Variants in FILIP1L observed in about 807,000 individuals in gnomAD.
The protein encoded by FILIP1L is filamin A-interacting protein 1-like.
A neutral mutation model predicts 96.6 loss-of-function variants in FILIP1L; 55 were observed. The observed-to-expected ratio is 0.57, with a 90% confidence interval of 0.46 to 0.71. The LOEUF (loss-of-function observed/expected upper bound fraction) is 0.71, where lower values mean the gene tolerates loss of function less well. Ranked by LOEUF, FILIP1L falls within the 30% of genes least tolerant of loss-of-function variation. FILIP1L has a pLI of 0.00. For missense variants in FILIP1L, 1,304 were observed against 1,321.2 expected (o/e 0.99, Z 0.20); for synonymous variants, 467 against 473.9 (o/e 0.99, Z 0.19).
chr3:99,983,389 A>AATATGTATATATATATATAT (rs1553702701), intron 1 of FILIP1L, among the ~76,000 whole-genome samples: 4 of 40,796 alleles, frequency 9.8e-5, no homozygotes, highest in Non-Finnish European at 1.8e-4. Context: ...TAAATAAATA[A>AATATGTATATATATATATAT]ATATATATAT....
intron 3 of FILIP1L, among the ~76,000 whole-genome samples, chr3:99,928,238 C>T (rs780217027): frequency 6.6e-6 from 1 of 152,130 alleles, no homozygotes; most frequent in Non-Finnish European, 1.5e-5. Context: ...TGTTTATTTT[C>T]GGGGCATTCC....
At chr3:99,902,876 GA>G (rs1316754793) in intron 4 of FILIP1L, among the ~76,000 whole-genome samples, 1 of 152,106 alleles carries the variant, frequency 6.6e-6, no homozygotes, top group African/African-American at 2.4e-5. Flanking sequence ...ATAGATTAAA[GA>G]GGAAAAAAAT....
chr3:99,850,866 T>C lies in FILIP1L; in HGVS notation c.810A>G (p.Thr270=), dbSNP rs200860779. The C allele has an allele frequency of 3.7e-6, 6 of 1,614,190 alleles. No homozygotes were observed. The African/African-American group carries it at 5.3e-5, about 14-fold the overall frequency. ...IQELTTNAKE[T]HTKLALAEAR... is the part of the protein sequence containing the mutation. ...CTTCAGCAAGGGCTAGTTTGGTATG[T>C]GTTTCCTTTGCATTTGTGGTCAGCT... The change falls in exon 5 of 6, where the codon ACA becomes ACG. Residue 270 remains threonine, a synonymous_variant. Coordinates refer to ENST00000477258, the MANE Select transcript of FILIP1L (RefSeq NM_001387850.1).
At chr3:99,890,887 G>T (rs149190149) in intron 4 of FILIP1L, among the ~76,000 whole-genome samples, 4 of 151,900 alleles carry the variant, frequency 2.6e-5, no homozygotes, top group Non-Finnish European at 5.9e-5. Flanking sequence ...ATGAAGTCAC[G>T]TATCTCAGAA....
chr3:99,848,226 G>C, intron 5 of FILIP1L, 69 bp downstream of exon 5: 2 of 1,582,446 alleles, frequency 1.3e-6, no homozygotes, highest in Non-Finnish European at 1.7e-6. Context: ...AAAAAGGATT[G>C]AGTTCCTTGC....
At chr3:99,862,929 T>C (rs1944332010) in intron 4 of FILIP1L, among the ~76,000 whole-genome samples, 1 of 152,218 alleles carries the variant, frequency 6.6e-6, no homozygotes. Context: ...TGGATGCTAA[T>C]AGTTGACCTT....
At chr3:100,112,545 C>CA (rs2066509256) in intron 1 of FILIP1L, among the ~76,000 whole-genome samples, 1 of 151,912 alleles carries the variant, frequency 6.6e-6, no homozygotes, top group Admixed American at 6.6e-5. Flanking sequence ...AAAGCTTAAG[C>CA]AAAAAAGACA....
At chr3:99,860,497 CTG>C (rs1178314757) in intron 4 of FILIP1L, among the ~76,000 whole-genome samples, 4 of 152,142 alleles carry the variant, frequency 2.6e-5, no homozygotes, top group Non-Finnish European at 4.4e-5. Context: ...AGCAAAGTAA[CTG>C]AGAAAAAGGG....
At chr3:100,022,483 A>G (rs894975939) in intron 1 of FILIP1L, among the ~76,000 whole-genome samples, 12 of 152,240 alleles carry the variant, frequency 7.9e-5, no homozygotes, top group Non-Finnish European at 5.9e-5. Flanking sequence ...CAGAAACAGC[A>G]TTGAGCATGA....
intron 1 of FILIP1L, among the ~76,000 whole-genome samples, chr3:100,042,728 G>A (rs2065225281): frequency 6.6e-6 from 1 of 152,132 alleles, no homozygotes; most frequent in Non-Finnish European, 1.5e-5. Flanking sequence ...TTGCCACATA[G>A]CTGATAACCC....
chr3:100,102,108 A>T (rs566653371), intron 1 of FILIP1L, among the ~76,000 whole-genome samples: 3 of 152,098 alleles, frequency 2.0e-5, no homozygotes, highest in Non-Finnish European at 4.4e-5. Flanking sequence ...TATAGCAGCA[A>T]GATTTATAAT....
chr3:99,939,065 A>G lies in FILIP1L; in HGVS notation c.-10-8035T>C, dbSNP rs78290012. Among the ~76,000 whole-genome samples the G allele has an allele frequency of 4.5e-3, 687 of 152,244 alleles. 7 individuals are homozygous for G. Among genetic ancestry groups the G allele is most frequent in the African/African-American group, 0.016 (673 of 41,552 alleles). On this transcript the variant is annotated intron_variant, in intron 1 of 5. Coordinates refer to ENST00000477258, the MANE Select transcript of FILIP1L (RefSeq NM_001387850.1). ...GCATAGACAAGTCTTTAGACAAGGG[A>G]TTGGAAAGTGGGGATGTATGATTCA...
intron 1 of FILIP1L, among the ~76,000 whole-genome samples, chr3:100,005,901 C>CT (rs1355928940): frequency 6.6e-6 from 1 of 152,154 alleles, no homozygotes; most frequent in Non-Finnish European, 1.5e-5. Flanking sequence ...TGCTACCCAC[C>CT]ATCTCTTTGC....
At chr3:100,036,223 C>T (rs1258094906) in intron 1 of FILIP1L, among the ~76,000 whole-genome samples, 3 of 152,304 alleles carry the variant, frequency 2.0e-5, no homozygotes, top group African/African-American at 4.8e-5. Flanking sequence ...GCAATGAACA[C>T]ATGCAACACA....
chr3:100,070,719 C>T (rs541203082), intron 1 of FILIP1L, among the ~76,000 whole-genome samples: 3 of 152,292 alleles, frequency 2.0e-5, no homozygotes, highest in Admixed American at 2.0e-4. Context: ...GCAACCTCCA[C>T]CTCCCGGGTT....
intron 1 of FILIP1L, among the ~76,000 whole-genome samples, chr3:99,990,740 A>G (rs1003237639): frequency 1.5e-4 from 23 of 152,128 alleles, no homozygotes; most frequent in African/African-American, 5.6e-4. Flanking sequence ...CCACGGGAGG[A>G]AAAAAAGAAA....
At chr3:100,058,749 A>C (rs1217682120) in intron 1 of FILIP1L, among the ~76,000 whole-genome samples, 2 of 152,190 alleles carry the variant, frequency 1.3e-5, no homozygotes, top group East Asian at 3.8e-4. Flanking sequence ...TTTTCAGTAG[A>C]AGGAGGACGC....
At chr3:100,009,861 C>G (rs1413410280) in intron 1 of FILIP1L, among the ~76,000 whole-genome samples, 1 of 152,164 alleles carries the variant, frequency 6.6e-6, no homozygotes, top group African/African-American at 2.4e-5. Context: ...TCAAAACTGA[C>G]CCCTTAAAAT....
intron 4 of FILIP1L, among the ~76,000 whole-genome samples, chr3:99,910,521 C>T (rs1414445620): frequency 7.3e-6 from 1 of 136,610 alleles, no homozygotes; most frequent in Non-Finnish European, 1.7e-5. Flanking sequence ...GGTGAAGTGG[C>T]AGATGCATGT....
Sources: allele counts gnomAD v4.1 joint callset (sites outside exome capture counted in the v4.1 genomes callset), GRCh38; gene constraint gnomAD v4.1.1; transcripts MANE v1.5; gene names NCBI Gene and HGNC (gene_info 2026-07-23, HGNC 2026-07-21).